ACTR3C: variants seen among roughly 807,000 people sequenced by gnomAD.
ACTR3C encodes the protein actin related protein 3C, also known as actin-related protein 3C.
In ACTR3C, 18 loss-of-function variants were observed where a neutral mutation model predicts 26.3. The ratio of observed to expected loss-of-function variants is 0.68; its 90% confidence interval spans 0.47 to 1.01. The LOEUF (loss-of-function observed/expected upper bound fraction) is 1.01. ACTR3C is among the 50% of genes least tolerant of loss of function. The pLI, the probability that ACTR3C is intolerant of heterozygous loss-of-function variation, is 0.00. For synonymous variants in ACTR3C, 55 were observed against 94.5 expected, an observed-to-expected ratio of 0.58 and a Z score of 2.42; for missense variants, 184 against 250.7, an observed-to-expected ratio of 0.73 and a Z score of 1.80.
At chr7:150,129,900 C>A in the ACTR3C span, among the ~76,000 whole-genome samples, 4 of 152,094 alleles carry the variant, frequency 2.6e-5, no homozygotes, top group African/African-American at 9.7e-5. Context: ...GGAAGAAAAT[C>A]TGAAGACTTA....
At chr7:149,923,745 C>A in the ACTR3C span, among the ~76,000 whole-genome samples, 63 of 152,278 alleles carry the variant, frequency 4.1e-4, 1 homozygote, top group Non-Finnish European at 8.4e-4. Context: ...CCCCTGTAAT[C>A]CCAGCACTTT....
chr7:150,181,337 C>G, the ACTR3C span, among the ~76,000 whole-genome samples: 5 of 150,524 alleles, frequency 3.3e-5, no homozygotes, highest in Middle Eastern at 3.4e-3. Context: ...TCAGGTTCTA[C>G]TATTCGACTG....
the ACTR3C span, among the ~76,000 whole-genome samples, chr7:150,060,480 C>G: frequency 6.6e-6 from 1 of 152,236 alleles, no homozygotes; most frequent in Non-Finnish European, 1.5e-5. Context: ...TCCGTGATAG[C>G]ACCCCTATCT....
chr7:150,042,913 G>A, the ACTR3C span, among the ~76,000 whole-genome samples: 1 of 150,808 alleles, frequency 6.6e-6, no homozygotes, highest in Non-Finnish European at 1.5e-5. Context: ...GGGGCTGCCA[G>A]AAGTTTTTCC....
chr7:150,072,564 GCCTGGGCA>G, the ACTR3C span, among the ~76,000 whole-genome samples: 41 of 142,242 alleles, frequency 2.9e-4, 1 homozygote, highest in African/African-American at 1.0e-3. Context: ...GACCCAGGAC[GCCTGGGCA>G]CCTGGGCAGC....
chr7:150,322,718 T>G (rs1473431388), intron 1 of ACTR3C: 1 of 152,270 alleles, frequency 6.6e-6, no homozygotes, highest in African/African-American at 2.4e-5. Flanking sequence ...ACTTCTTTGC[T>G]TTCTTAATAA....
At chr7:150,034,631 G>C in the ACTR3C span, among the ~76,000 whole-genome samples, 1 of 151,478 alleles carries the variant, frequency 6.6e-6, no homozygotes. Context: ...CTGTTCCCGA[G>C]CTGCCTTCGG....
chr7:149,906,665 C>T, the ACTR3C span, among the ~76,000 whole-genome samples: 2 of 143,066 alleles, frequency 1.4e-5, no homozygotes, highest in East Asian at 4.1e-4. Flanking sequence ...TCCCTGACCT[C>T]AGGTGATTCG....
At chr7:150,202,541 A>G in the ACTR3C span, among the ~76,000 whole-genome samples, 1 of 152,186 alleles carries the variant, frequency 6.6e-6, no homozygotes, top group Non-Finnish European at 1.5e-5. Flanking sequence ...TGGATTCTTT[A>G]TAGAGTCACT....
At chr7:150,087,201 A>AAAAG in the ACTR3C span, among the ~76,000 whole-genome samples, 14 of 140,376 alleles carry the variant, frequency 1.0e-4, no homozygotes, top group African/African-American at 7.7e-5. Context: ...AAAAAAAAAA[A>AAAAG]AAAGAAACTT....
chr7:149,987,795 C>A, the ACTR3C span, among the ~76,000 whole-genome samples: 3 of 151,202 alleles, frequency 2.0e-5, no homozygotes, highest in African/African-American at 7.3e-5. Context: ...AGAAGAGAGA[C>A]CACAAGTTCT....
At chr7:149,914,865 G>A in the ACTR3C span, among the ~76,000 whole-genome samples, 1 of 142,262 alleles carries the variant, frequency 7.0e-6, no homozygotes, top group African/African-American at 2.6e-5. Flanking sequence ...GAAGAAGGAG[G>A]AGATTAAAAT....
At chr7:150,147,732 C>T in the ACTR3C span, among the ~76,000 whole-genome samples, 66 of 152,200 alleles carry the variant, frequency 4.3e-4, 1 homozygote, top group African/African-American at 1.5e-3. Context: ...GCAAACTTGG[C>T]TGTCACCCTC....
chr7:150,036,996 G>GC, the ACTR3C span, among the ~76,000 whole-genome samples: 1 of 12,608 alleles, frequency 7.9e-5, no homozygotes, highest in East Asian at 3.7e-3. Flanking sequence ...GGGTGCCTCC[G>GC]CCCCCCTGCG....
the ACTR3C span, among the ~76,000 whole-genome samples, chr7:150,149,980 T>C: frequency 1.3e-5 from 2 of 152,184 alleles, no homozygotes; most frequent in Non-Finnish European, 2.9e-5. Flanking sequence ...AACTGAAGCT[T>C]GATAAACTTA....
chr7:149,967,820 A>T, the ACTR3C span, among the ~76,000 whole-genome samples: 2 of 152,020 alleles, frequency 1.3e-5, no homozygotes, highest in Admixed American at 1.3e-4. Flanking sequence ...CTCTACCATA[A>T]AGTTGGAGAA....
the ACTR3C span, among the ~76,000 whole-genome samples, chr7:150,205,958 G>T: frequency 6.6e-6 from 1 of 152,104 alleles, no homozygotes. Flanking sequence ...ATCCCACTAG[G>T]AATTAATGGT....
the ACTR3C span, among the ~76,000 whole-genome samples, chr7:150,198,760 G>C: frequency 2.0e-5 from 3 of 146,558 alleles, no homozygotes; most frequent in Admixed American, 6.7e-5. Flanking sequence ...GGTGGGGGGG[G>C]GTCAGCCCCC....
At chr7:150,137,274 C>A in the ACTR3C span, among the ~76,000 whole-genome samples, 1 of 152,186 alleles carries the variant, frequency 6.6e-6, no homozygotes, top group African/African-American at 2.4e-5. Context: ...TACTAAATAC[C>A]AGCAAGACAA....
Sources: gnomAD v4.1 joint callset for allele counts (sites outside exome capture counted in the v4.1 genomes callset) on GRCh38, gnomAD v4.1.1 for gene constraint, MANE v1.5 for transcripts, NCBI Gene and HGNC (gene_info 2026-07-23, HGNC 2026-07-21) for gene names.